BRPF3: variants seen among roughly 807,000 people sequenced by gnomAD.
BRPF3 encodes bromodomain and PHD finger-containing protein 3.
Under a neutral mutation model 102.0 loss-of-function variants are expected in BRPF3, and 18 were observed. That is an observed-to-expected ratio of 0.18 (90% CI 0.12 to 0.26). The LOEUF is 0.26. BRPF3 is among the 10% of genes least tolerant of loss of function. The pLI is 1.00. For synonymous variants in BRPF3, 570 were observed against 614.2 expected, an observed-to-expected ratio of 0.93 and a Z score of 1.06; for missense variants, 1,147 against 1,567.8, an observed-to-expected ratio of 0.73 and a Z score of 4.53.
chr6:36,200,471 A>G lies in BRPF3; in HGVS notation c.149A>G (p.His50Arg). The G allele has an allele frequency of 6.2e-7, 1 of 1,614,250 alleles. No individual in the cohort carries two copies. The highest frequency in any genetic ancestry group is 8.5e-7 in the Non-Finnish European group (1 of 1,180,036). The part of the protein sequence containing the change: ...IVEVDIDGRL[H>R]RISIYDPLKI... ...GAGGTAGACATTGATGGACGCCTGC[A>G]TCGTATCAGCATCTATGACCCACTC... The change falls in exon 2 of 13, where the codon CAT becomes CGT. Residue 50 changes from histidine to arginine, a missense_variant. His to Arg is a conservative substitution (Grantham distance 29). Coordinates refer to ENST00000357641, the MANE Select transcript of BRPF3 (RefSeq NM_015695.3). This position sits in a 1 kb window ranked among gnomAD's most constrained non-coding sequence, Gnocchi z 5.3.
intron 1 of BRPF3, chr6:36,197,452 A>G (rs1021041439): frequency 6.6e-6 from 1 of 152,028 alleles, no homozygotes; most frequent in Non-Finnish European, 1.5e-5. Flanking sequence ...AGGAGATGTT[A>G]TTTCCCTCCT....
chr6:36,225,602 T>C (rs1223447795), intron 11 of BRPF3, among the ~76,000 whole-genome samples: 1 of 152,224 alleles, frequency 6.6e-6, no homozygotes, highest in African/African-American at 2.4e-5. Flanking sequence ...ATAGCATTTA[T>C]TTATTTCCTT....
Position 36,201,751 on chromosome 6 carries a change from C to T in BRPF3, c.1429C>T (p.Pro477Ser), listed in dbSNP as rs1310318906. Residue 477 changes from proline (P) to serine (S), a missense_variant, in exon 2 of 13, where the codon CCA becomes TCA. Physicochemically the swap from Pro to Ser is moderately conservative, Grantham distance 74. Transcript: ENST00000357641. This position sits in a 1 kb window ranked among gnomAD's most constrained non-coding sequence, Gnocchi z 5.1. The part of the protein sequence containing the change: ...TPSTLPMLAV[P>S]QIPSYRLNKI... ...CTCCACTCTCCCCATGCTTGCTGTC[C>T]CACAGATACCCTCTTACAGGTAAGC... The T allele has an allele frequency of 2.5e-6, 4 of 1,606,870 alleles. No individual in the cohort carries two copies. The African/African-American group carries it at 5.4e-5, about 21-fold the overall frequency.
chr6:36,207,202 G>C, intron 3 of BRPF3, 111 bp from the exon 4 acceptor site: 2 of 1,410,526 alleles, frequency 1.4e-6, no homozygotes, highest in Middle Eastern at 2.6e-4. Context: ...TGGAACTGTG[G>C]GTCAAGGAAG....
At chr6:36,227,445 A>G (rs778909003) in intron 11 of BRPF3, among the ~76,000 whole-genome samples, 1 of 152,216 alleles carries the variant, frequency 6.6e-6, no homozygotes, top group Non-Finnish European at 1.5e-5. Context: ...CTTTGTTACC[A>G]TGTTGTTTTA....
rs530961480 is a variant in BRPF3 at position 36,212,671 on chromosome 6, C to T, written c.2482+1111C>T. Among the ~76,000 whole-genome samples the T allele has an allele frequency of 3.1e-4, 47 of 151,722 alleles. No individual in the cohort carries two copies. In the South Asian group the frequency reaches 6.9e-3, roughly 22 times the overall value. On this transcript the variant is annotated intron_variant, in intron 7 of 12. Coordinates refer to ENST00000357641, the MANE Select transcript of BRPF3 (RefSeq NM_015695.3). ...TGGAAGTCTCAATTTTTAAAAGTTTCGGCCGGGCGCGGTGGCTCACGCCTG... is the reference window on the plus strand; with the variant it reads ...TGGAAGTCTCAATTTTTAAAAGTTTTGGCCGGGCGCGGTGGCTCACGCCTG...
chr6:36,229,102 C>A, intron 12 of BRPF3, 46 bp downstream of exon 12: 1 of 1,596,704 alleles, frequency 6.3e-7, no homozygotes, highest in South Asian at 1.1e-5. Context: ...CGCCAGGGGT[C>A]TGTGCCAGTG....
chr6:36,218,191 C>T (rs1294018446), intron 9 of BRPF3, among the ~76,000 whole-genome samples, 181 bp downstream of exon 9: 1 of 152,082 alleles, frequency 6.6e-6, no homozygotes, highest in Non-Finnish European at 1.5e-5. Context: ...ACCCTTGACT[C>T]TCAGATCTGA....
At position 36,222,234 on chromosome 6, in the gene BRPF3, T is replaced by C; in HGVS notation, c.3150T>C (p.Gly1050=). The change falls in exon 10 of 13, where the codon GGT becomes GGC. Residue 1050 remains glycine, a synonymous_variant. Coordinates refer to ENST00000357641, the MANE Select transcript of BRPF3 (RefSeq NM_015695.3). ...TGTCTCGAGTGCCCTTCCTGGAAGGTGTGAACGGAGACTCTGACTACAATG... is the reference window on the plus strand; with the variant it reads ...TGTCTCGAGTGCCCTTCCTGGAAGGCGTGAACGGAGACTCTGACTACAATG... The part of the protein sequence containing the change: ...PALSRVPFLE[G]VNGDSDYNGS... 4 of 1,550,044 alleles carry C rather than the reference T, an allele frequency of 2.6e-6. No homozygotes were observed. Among genetic ancestry groups the C allele is most frequent in the Non-Finnish European group, 3.5e-6 (4 of 1,147,122 alleles).
chr6:36,197,649 G>A (rs1449324611), intron 1 of BRPF3: 1 of 150,332 alleles, frequency 6.7e-6, no homozygotes, highest in Non-Finnish European at 1.5e-5. Flanking sequence ...AGGGGGTGCC[G>A]AGGGGAAATC....
rs987422697 is a variant in BRPF3 at position 36,210,449 on chromosome 6, C to T, written c.2100C>T (p.Ile700=). 5 of 1,610,338 alleles carry T rather than the reference C, an allele frequency of 3.1e-6. No individual in the cohort carries two copies. The highest frequency in any genetic ancestry group is 2.7e-5 in the African/African-American group (2 of 74,924). The part of the protein sequence containing the change: ...LRHARRQAEN[I]GYDPERGTHL... ...ACGCCCGGCGGCAGGCAGAGAACATCGGCTATGACCCCGAGAGGGGCACTC... is the reference window on the plus strand; with the variant it reads ...ACGCCCGGCGGCAGGCAGAGAACATTGGCTATGACCCCGAGAGGGGCACTC... The change falls in exon 6 of 13, where the codon ATC becomes ATT. Residue 700 remains isoleucine, a synonymous_variant. Transcript: ENST00000357641. The surrounding 1 kb of genome is among the most constrained non-coding windows in gnomAD (Gnocchi z 4.7).
At chr6:36,211,935 G>T (rs1429196896) in intron 7 of BRPF3, among the ~76,000 whole-genome samples, 1 of 152,136 alleles carries the variant, frequency 6.6e-6, no homozygotes, top group Non-Finnish European at 1.5e-5. Context: ...GTACATACCA[G>T]TTAAATATCA....
intron 1 of BRPF3, among the ~76,000 whole-genome samples, chr6:36,199,682 T>A (rs1328805658): frequency 1.3e-5 from 2 of 152,242 alleles, no homozygotes; most frequent in Non-Finnish European, 2.9e-5. Flanking sequence ...GTGTTTTCCA[T>A]AGTTAGCTGT....
intron 10 of BRPF3, among the ~76,000 whole-genome samples, chr6:36,224,234 G>C (rs1239922561): frequency 6.6e-6 from 1 of 152,114 alleles, no homozygotes; most frequent in East Asian, 1.9e-4. Flanking sequence ...TAAAAAGTGA[G>C]GTAGTAATAT....
chr6:36,204,839 TG>T, intron 3 of BRPF3, 25 bp downstream of exon 3: 1 of 1,607,266 alleles, frequency 6.2e-7, no homozygotes, highest in South Asian at 1.1e-5. Context: ...GATTTGAGGC[TG>T]GTAGAGGGAG....
chr6:36,213,773 C>A, intron 7 of BRPF3, 107 bp from the exon 8 acceptor site: 1 of 1,195,766 alleles, frequency 8.4e-7, no homozygotes, highest in Non-Finnish European at 1.2e-6. Context: ...CATCTCAAGC[C>A]TTATAACAGC....
At chr6:36,202,412 C>CA (rs1038111516) in intron 2 of BRPF3, among the ~76,000 whole-genome samples, 1 of 131,792 alleles carries the variant, frequency 7.6e-6, no homozygotes, top group African/African-American at 2.9e-5. Flanking sequence ...CTCTGTGGAC[C>CA]CCCCCCCCCT....
At chr6:36,196,991 G>A (rs1767513244) in intron 1 of BRPF3, 21 bp downstream of exon 1, 1 of 151,780 alleles carries the variant, frequency 6.6e-6, no homozygotes, top group Non-Finnish European at 1.5e-5. Flanking sequence ...CGGCAGCGGG[G>A]CCGGACAGAG....
chr6:36,218,622 G>A (rs1768419530), intron 9 of BRPF3, among the ~76,000 whole-genome samples: 2 of 152,046 alleles, frequency 1.3e-5, no homozygotes, highest in South Asian at 4.1e-4. Flanking sequence ...ACCACGCCTA[G>A]CTAATTTTTG....
Sources: gnomAD v4.1 joint callset for allele counts (sites outside exome capture counted in the v4.1 genomes callset) on GRCh38, gnomAD v4.1.1 for gene constraint, Gnocchi (gnomAD v3.1) non-coding constraint, MANE v1.5 for transcripts, NCBI Gene and HGNC (gene_info 2026-07-23, HGNC 2026-07-21) for gene names.